The following SFMBT2 variants were observed in gnomAD, a reference collection of about 807,000 sequenced individuals.
SFMBT2 encodes the protein scm-like with four MBT domains protein 2.
Under a neutral mutation model 110.1 loss-of-function variants are expected in SFMBT2, and 38 were observed. The observed-to-expected ratio is 0.35, with a 90% CI of 0.27 to 0.45. The LOEUF is 0.45. SFMBT2 is among the 20% of genes least tolerant of loss of function. SFMBT2 has a pLI of 1.00. For missense variants in SFMBT2, 1,011 were observed against 1,094.9 expected (o/e 0.92, Z 1.08); for synonymous variants, 425 against 425.4 (o/e 1.00, Z 0.01).
At position 7,171,144 on chromosome 10, in the gene SFMBT2, G is replaced by A; in HGVS notation, c.2416-88C>T. 6.3e-7 allele frequency: 1 copy of A among 1,592,266 alleles called. No individual in the cohort carries two copies. The highest frequency in any genetic ancestry group is 8.6e-7 in the Non-Finnish European group (1 of 1,169,212). On this transcript the variant is annotated intron_variant, in intron 19 of 20. Transcript: ENST00000397167. This position sits in a 1 kb window ranked among gnomAD's most constrained non-coding sequence, Gnocchi z 4.9. ...CACTCTCCAGGCCTCGGCCGTTCCT[G>A]GCCGGAAGCCACTGCCTCCCTTTGC...
At chr10:7,259,900 A>C (rs1019243698) in intron 7 of SFMBT2, among the ~76,000 whole-genome samples, 3 of 152,122 alleles carry the variant, frequency 2.0e-5, no homozygotes, top group African/African-American at 7.2e-5. Context: ...TACACTGCAG[A>C]CCCGGTGCTG....
intron 2 of SFMBT2, among the ~76,000 whole-genome samples, chr10:7,375,406 G>A (rs1228409398): frequency 2.0e-5 from 3 of 152,076 alleles, no homozygotes; most frequent in Non-Finnish European, 4.4e-5. Flanking sequence ...TAAAGGAACC[G>A]GGAATTGGCA....
At chr10:7,310,741 C>T (rs1481268101) in intron 4 of SFMBT2, among the ~76,000 whole-genome samples, 1 of 152,130 alleles carries the variant, frequency 6.6e-6, no homozygotes, top group Non-Finnish European at 1.5e-5. Flanking sequence ...AAAAAGGCTT[C>T]GTGTGCAAAA....
At chr10:7,344,078 G>T (rs1224559160) in intron 4 of SFMBT2, among the ~76,000 whole-genome samples, 3 of 152,148 alleles carry the variant, frequency 2.0e-5, no homozygotes, top group Non-Finnish European at 2.9e-5. Flanking sequence ...GGGCTTTTTC[G>T]TGCCTTCCTG....
chr10:7,239,139 C>T lies in SFMBT2; in HGVS notation c.1120+4419G>A, dbSNP rs143050334. On this transcript the variant is annotated intron_variant, in intron 9 of 20. Coordinates refer to ENST00000397167, the MANE Select transcript of SFMBT2 (RefSeq NM_001387889.1). ...TCTGTGTTATTTGCATATATTTCTC[C>T]TACACCACCGGAAGTCTTTCATTTC... Among the ~76,000 whole-genome samples, 240 of 152,274 alleles carry T rather than the reference C, an allele frequency of 1.6e-3. 2 individuals carry two copies. Among genetic ancestry groups the T allele is most frequent in the Middle Eastern group, 0.014 (4 of 294 alleles).
At position 7,205,004 on chromosome 10, in the gene SFMBT2, G is replaced by A. The variant is rs957845501; in HGVS notation, c.1444+811C>T. 5 of 801,374 alleles carry A rather than the reference G, an allele frequency of 6.2e-6. No homozygotes were observed. In the African/African-American group the frequency reaches 9.3e-5, roughly 15 times the overall value. The allele number at this position is 801,374 out of a possible 1,614,324, so 49.6% of individuals were successfully genotyped here. On this transcript the variant is annotated intron_variant, in intron 12 of 20. Coordinates refer to ENST00000397167, the MANE Select transcript of SFMBT2 (RefSeq NM_001387889.1). ...TATTTGGTATTTCTGTAACCAAAGG[G>A]ACGTGTGGTAATATACTTTATAAAG...
In SFMBT2 at chr10:7,381,930, C is replaced by T. The variant is rs1201586535; in HGVS notation, c.-32G>A. The T allele has an allele frequency of 2.6e-6, 4 of 1,521,194 alleles. No individual in the cohort carries two copies. The highest frequency in any genetic ancestry group is 2.7e-6 in the Non-Finnish European group (3 of 1,127,478). The allele number at this position is 1,521,194 out of a possible 1,614,324, so 94.2% of individuals were successfully genotyped here. A position where few individuals can be genotyped will look rare whatever the true frequency, so the allele number is the denominator to read the frequency against. On this transcript the variant is annotated 5_prime_UTR_variant, in exon 2 of 21. The change abolishes an upstream ATG in the 5' untranslated region. Transcript: ENST00000397167. ...TGAGCAAGTGTCTCTTCTCTTAATT[C>T]ATCCTGCAGAAAAAATTACCTAAGA... is the stretch of plus-strand genomic sequence containing the variant.
Position 7,281,842 on chromosome 10 carries a change from A to G in SFMBT2, c.772+2062T>C, listed in dbSNP as rs562352749. Among the ~76,000 whole-genome samples the G allele has an allele frequency of 7.2e-5, 11 of 152,120 alleles. No homozygotes were observed. In the South Asian group the frequency reaches 2.3e-3, roughly 32 times the overall value. ...CTTGATGATGAATGTCTTTTCCAGA[A>G]TCTTTTTTTTGTTTGTTTGTTTTCA... is the stretch of plus-strand genomic sequence containing the variant. On this transcript the variant is annotated intron_variant, in intron 6 of 20. Transcript: ENST00000397167.
intron 10 of SFMBT2, among the ~76,000 whole-genome samples, chr10:7,222,651 T>G (rs983381293): frequency 4.6e-5 from 7 of 151,938 alleles, no homozygotes; most frequent in Admixed American, 3.9e-4. Context: ...CATTAAGATC[T>G]GCTGGGGTTC....
intron 6 of SFMBT2, among the ~76,000 whole-genome samples, chr10:7,281,314 T>C (rs1841943029): frequency 6.6e-6 from 1 of 152,160 alleles, no homozygotes; most frequent in Non-Finnish European, 1.5e-5. Context: ...GTGGTGTTAG[T>C]GGGAGTGCAG....
rs1837928777 is a variant in SFMBT2 at position 7,172,772 on chromosome 10, T to C, written c.1985-111A>G. The C allele has an allele frequency of 7.6e-7, 1 of 1,320,762 alleles. No homozygotes were observed. The highest frequency in any genetic ancestry group is 1.5e-5 in the South Asian group (1 of 66,642). 81.8% of individuals were successfully genotyped at this position (1,320,762 alleles called of 1,614,324 possible). A position where few individuals can be genotyped will look rare whatever the true frequency, so the allele number is the denominator to read the frequency against. Reference sequence around the variant, plus strand: ...ATTCTTTCATCTGATAGTTCATTTGTGCCTTACGAAGTCATTCTGAGAAAA... The same window carrying C: ...ATTCTTTCATCTGATAGTTCATTTGCGCCTTACGAAGTCATTCTGAGAAAA... On this transcript the variant is annotated intron_variant, in intron 17 of 20. Transcript: ENST00000397167. This position sits in a 1 kb window ranked among gnomAD's most constrained non-coding sequence, Gnocchi z 4.6.
intron 4 of SFMBT2, among the ~76,000 whole-genome samples, chr10:7,296,541 CA>C (rs1335646742): frequency 6.6e-6 from 1 of 152,190 alleles, no homozygotes; most frequent in Non-Finnish European, 1.5e-5. Flanking sequence ...AAATTTTTCC[CA>C]ATATTCCCGT....
intron 1 of SFMBT2, among the ~76,000 whole-genome samples, chr10:7,385,442 G>A (rs1274573738): frequency 2.0e-5 from 3 of 152,188 alleles, no homozygotes; most frequent in Non-Finnish European, 2.9e-5. Context: ...GGAGAAGGGT[G>A]TGCAACTGAA....
chr10:7,268,538 TC>T (rs1369823307), intron 7 of SFMBT2, among the ~76,000 whole-genome samples: 11 of 150,964 alleles, frequency 7.3e-5, no homozygotes, highest in African/African-American at 2.4e-5. Context: ...TGAGACAGAG[TC>T]TCGCTCTGTC....
At chr10:7,272,514 G>C (rs1841621609) in intron 7 of SFMBT2, among the ~76,000 whole-genome samples, 1 of 152,124 alleles carries the variant, frequency 6.6e-6, no homozygotes, top group African/African-American at 2.4e-5. Context: ...AGGTGACTGG[G>C]AAGCAGAGGC....
chr10:7,212,735 C>A (rs573443682), intron 11 of SFMBT2, among the ~76,000 whole-genome samples: 1 of 152,318 alleles, frequency 6.6e-6, no homozygotes, highest in South Asian at 2.1e-4. Flanking sequence ...CAAGTTCACA[C>A]ATCCAGGAAG....
At chr10:7,233,887 G>C (rs1257944620) in intron 9 of SFMBT2, among the ~76,000 whole-genome samples, 1 of 152,230 alleles carries the variant, frequency 6.6e-6, no homozygotes, top group Non-Finnish European at 1.5e-5. Context: ...ACCTCAGCTG[G>C]CAGAACCTGT....
chr10:7,205,111 G>T, intron 12 of SFMBT2: 1 of 256,178 alleles, frequency 3.9e-6, no homozygotes, highest in Non-Finnish European at 6.1e-6. Flanking sequence ...GTCTCACCCT[G>T]TCACCCACGC....
chr10:7,343,981 C>T (rs1358094122), intron 4 of SFMBT2, among the ~76,000 whole-genome samples: 2 of 152,168 alleles, frequency 1.3e-5, no homozygotes, highest in South Asian at 2.1e-4. Context: ...TTCTCTTCCA[C>T]TGGCCCAAAG....
Sources: allele counts gnomAD v4.1 joint callset (sites outside exome capture counted in the v4.1 genomes callset), GRCh38; gene constraint gnomAD v4.1.1; non-coding constraint Gnocchi (gnomAD v3.1); transcripts MANE v1.5; gene names NCBI Gene and HGNC (gene_info 2026-07-23, HGNC 2026-07-21).